NLGN1: variants seen among roughly 807,000 people sequenced by gnomAD.
The protein encoded by NLGN1 is neuroligin-1.
A neutral mutation model predicts 65.5 loss-of-function variants in NLGN1; 12 were observed. The observed-to-expected ratio is 0.18, with a 90% CI of 0.12 to 0.30. The LOEUF (loss-of-function observed/expected upper bound fraction) is 0.30, where lower values mean the gene tolerates loss of function less well. Among genes scored for constraint, NLGN1 ranks in the 10% least tolerant of loss-of-function variants. The pLI is 1.00. For missense variants in NLGN1, 750 were observed against 1,007.1 expected, an observed-to-expected ratio of 0.74 and a Z score of 3.46; for synonymous variants, 350 against 359.5, an observed-to-expected ratio of 0.97 and a Z score of 0.30.
intron 4 of NLGN1, among the ~76,000 whole-genome samples, chr3:174,208,339 T>C (rs1314560044): frequency 6.6e-6 from 1 of 152,218 alleles, no homozygotes; most frequent in African/African-American, 2.4e-5. Flanking sequence ...GATAATCTGA[T>C]TTGTTACTGT....
At chr3:173,733,438 A>G (rs1309015473) in intron 3 of NLGN1, among the ~76,000 whole-genome samples, 1 of 151,790 alleles carries the variant, frequency 6.6e-6, no homozygotes, top group Non-Finnish European at 1.5e-5. Flanking sequence ...TTCTCTAATC[A>G]TTGTTCCCTT....
At chr3:174,284,156 G>A (rs1751862778) in exon 7 of NLGN1, 1 of 151,220 alleles carries the variant, frequency 6.6e-6, no homozygotes, top group Non-Finnish European at 1.5e-5. Context: ...CTAAATTAGG[G>A]TAGAATAACT....
At chr3:174,250,515 G>C (rs1051590663) in intron 4 of NLGN1, among the ~76,000 whole-genome samples, 5 of 152,156 alleles carry the variant, frequency 3.3e-5, no homozygotes, top group Admixed American at 1.3e-4. Context: ...GGAACTTTAA[G>C]ATGGCAAAGG....
At chr3:174,261,845 T>C (rs1454311473) in intron 4 of NLGN1, among the ~76,000 whole-genome samples, 2 of 149,074 alleles carry the variant, frequency 1.3e-5, no homozygotes, top group Non-Finnish European at 3.0e-5. Context: ...CTTATTATTT[T>C]GAAATACGTC....
At chr3:173,894,238 T>C (rs532233457) in intron 4 of NLGN1, among the ~76,000 whole-genome samples, 1 of 152,288 alleles carries the variant, frequency 6.6e-6, no homozygotes, top group Admixed American at 6.5e-5. Flanking sequence ...GTAGTCCTAC[T>C]AGAGGCCAAC....
At chr3:173,951,945 A>C (rs1379245528) in intron 4 of NLGN1, among the ~76,000 whole-genome samples, 2 of 152,188 alleles carry the variant, frequency 1.3e-5, no homozygotes, top group East Asian at 3.8e-4. Flanking sequence ...ATTTTTCACA[A>C]CATAACTTAT....
chr3:174,092,284 G>C (rs74733742), intron 4 of NLGN1, among the ~76,000 whole-genome samples: 1,736 of 152,122 alleles, frequency 0.011, 35 homozygotes, highest in African/African-American at 0.039. Flanking sequence ...GACATGTAGA[G>C]GAAAATATCC....
chr3:174,025,891 G>A (rs550982877), intron 4 of NLGN1, among the ~76,000 whole-genome samples: 12 of 152,192 alleles, frequency 7.9e-5, no homozygotes, highest in African/African-American at 2.9e-4. Flanking sequence ...GACAGAATTT[G>A]TATTTTGTAG....
At chr3:173,838,636 A>G (rs915313548) in intron 4 of NLGN1, among the ~76,000 whole-genome samples, 1 of 152,218 alleles carries the variant, frequency 6.6e-6, no homozygotes, top group African/African-American at 2.4e-5. Flanking sequence ...AGACTTTAAA[A>G]AAAAAATGTC....
chr3:174,193,218 A>G (rs1732721516), intron 4 of NLGN1, among the ~76,000 whole-genome samples: 1 of 152,182 alleles, frequency 6.6e-6, no homozygotes, highest in Non-Finnish European at 1.5e-5. Context: ...TTGTCTAACA[A>G]TTAGTCATTG....
chr3:173,550,570 G>GA (rs562762231), intron 2 of NLGN1, among the ~76,000 whole-genome samples: 14 of 151,976 alleles, frequency 9.2e-5, no homozygotes, highest in Non-Finnish European at 1.9e-4. Context: ...TAAGACTGCT[G>GA]AAAAAAATAG....
chr3:174,256,181 A>G (rs1190587647), intron 4 of NLGN1, among the ~76,000 whole-genome samples: 3 of 152,080 alleles, frequency 2.0e-5, no homozygotes, highest in Non-Finnish European at 4.4e-5. Flanking sequence ...TATTTATTCC[A>G]TGGAAATTAA....
intron 4 of NLGN1, among the ~76,000 whole-genome samples, chr3:174,194,498 G>T (rs1733006904): frequency 1.3e-5 from 2 of 151,128 alleles, no homozygotes. Context: ...TCATTCTTTT[G>T]TGACATAATC....
intron 3 of NLGN1, among the ~76,000 whole-genome samples, chr3:173,732,742 G>A (rs1229984481): frequency 6.6e-6 from 1 of 152,080 alleles, no homozygotes; most frequent in Admixed American, 6.6e-5. Flanking sequence ...ACTGGAAAAG[G>A]TAACTAGCTA....
intron 2 of NLGN1, among the ~76,000 whole-genome samples, chr3:173,521,784 G>A (rs2149138247): frequency 6.6e-6 from 1 of 152,306 alleles, no homozygotes; most frequent in Middle Eastern, 3.4e-3. Context: ...TTAATACTAT[G>A]AGGTATATTC....
chr3:173,716,172 T>C (rs1418541630), intron 3 of NLGN1, among the ~76,000 whole-genome samples: 2 of 152,156 alleles, frequency 1.3e-5, no homozygotes, highest in African/African-American at 2.4e-5. Flanking sequence ...GACAGTGAAT[T>C]TGCACGTTCA....
At chr3:173,864,312 T>C (rs559547022) in intron 4 of NLGN1, among the ~76,000 whole-genome samples, 21 of 152,346 alleles carry the variant, frequency 1.4e-4, no homozygotes, top group Non-Finnish European at 2.8e-4. Flanking sequence ...GGCAATTTGC[T>C]TATAGATTAT....
intron 4 of NLGN1, among the ~76,000 whole-genome samples, chr3:174,083,303 A>T (rs1273797096): frequency 1.3e-5 from 2 of 152,100 alleles, no homozygotes; most frequent in Non-Finnish European, 2.9e-5. Context: ...CATGTATAAA[A>T]TGGGTATATA....
At chr3:173,855,431 A>T (rs997095550) in intron 4 of NLGN1, among the ~76,000 whole-genome samples, 1 of 152,100 alleles carries the variant, frequency 6.6e-6, no homozygotes, top group African/African-American at 2.4e-5. Context: ...ACTAATAACA[A>T]AATGGTCTTG....
Sources: allele counts gnomAD v4.1 joint callset (sites outside exome capture counted in the v4.1 genomes callset), GRCh38; gene constraint gnomAD v4.1.1; transcripts MANE v1.5; gene names NCBI Gene and HGNC (gene_info 2026-07-23, HGNC 2026-07-21).